Variants in OTOA observed in about 807,000 individuals in gnomAD.
The protein encoded by OTOA is cancer/testis antigen 108.
OTOA carries 70 observed loss-of-function variants against 110.8 expected under a neutral mutation model. The ratio of observed to expected loss-of-function variants is 0.63; its 90% CI spans 0.52 to 0.77. OTOA has a LOEUF of 0.77. Ranked by LOEUF, OTOA falls within the 30% of genes least tolerant of loss-of-function variation. The pLI is 0.00. For synonymous variants in OTOA, 373 were observed against 431.5 expected, an observed-to-expected ratio of 0.86 and a Z score of 1.68; for missense variants, 917 against 1,075.8, an observed-to-expected ratio of 0.85 and a Z score of 2.06.
intron 11 of OTOA, 194 bp from the exon 12 acceptor site, chr16:21,704,975 G>A (rs528660817): frequency 3.4e-6 from 3 of 878,700 alleles, no homozygotes; most frequent in South Asian, 1.3e-5. Context: ...CCATTCCTTG[G>A]TCTCGTCTGA....
chr16:21,684,621 G>T (rs1381907245), intron 6 of OTOA: 2 of 1,335,028 alleles, frequency 1.5e-6, no homozygotes, highest in East Asian at 2.6e-5. Context: ...GCTGTCCCTT[G>T]GCTTGCCAAT....
intron 13 of OTOA, among the ~76,000 whole-genome samples, chr16:21,712,311 A>AG (rs1368959460): frequency 1.3e-5 from 2 of 151,870 alleles, no homozygotes; most frequent in African/African-American, 4.8e-5. Flanking sequence ...GACTGGGCTG[A>AG]GCTACAGAGC....
intron 11 of OTOA, among the ~76,000 whole-genome samples, chr16:21,702,878 G>C (rs1898080382): frequency 6.6e-6 from 1 of 152,126 alleles, no homozygotes; most frequent in South Asian, 2.1e-4. Flanking sequence ...GTTTCACCAT[G>C]TTGGCCAGGA....
intron 1 of OTOA, among the ~76,000 whole-genome samples, chr16:21,665,623 C>T (rs1966839379): frequency 6.6e-6 from 1 of 152,068 alleles, no homozygotes. Context: ...GTGTGATGCC[C>T]GGCTCATAGA....
intron 9 of OTOA, among the ~76,000 whole-genome samples, chr16:21,694,993 G>A (rs752152961): frequency 6.6e-6 from 1 of 151,724 alleles, no homozygotes. Flanking sequence ...ATTCTTATAC[G>A]GTGCGCTTCA....
chr16:21,684,147 G>A (rs910514930), intron 6 of OTOA, among the ~76,000 whole-genome samples: 2 of 151,910 alleles, frequency 1.3e-5, no homozygotes, highest in Admixed American at 1.3e-4. Context: ...AAAATGTGTA[G>A]TTTTTCCCGA....
rs781412998 is a variant in OTOA at position 21,710,085 on chromosome 16, A to G, written c.1302A>G (p.Lys434=). 1.4e-5 allele frequency: 22 copies of G among 1,613,402 alleles called. No individual in the cohort carries two copies. The highest frequency in any genetic ancestry group is 1.6e-5 in the Non-Finnish European group (19 of 1,179,738). Reference sequence around the variant, plus strand: ...GCCAGGTCATCATCTTGTCTGCCAAATACTTGGCCCATGAGAAGGTCAGCT... The same window carrying G: ...GCCAGGTCATCATCTTGTCTGCCAAGTACTTGGCCCATGAGAAGGTCAGCT... The part of the protein sequence containing the change: ...AKSQVIILSA[K]YLAHEKVLSF... The change falls in exon 13 of 29, where the codon AAA becomes AAG. Residue 434 remains lysine, a synonymous_variant. Coordinates refer to ENST00000646100, the MANE Select transcript of OTOA (RefSeq NM_144672.4).
chr16:21,715,891 C>T (rs1285265795), intron 14 of OTOA, among the ~76,000 whole-genome samples: 1 of 151,948 alleles, frequency 6.6e-6, no homozygotes, highest in African/African-American at 2.4e-5. Context: ...TCATGGTCCA[C>T]AGCCATGTCC....
In OTOA at chr16:21,691,694, C is replaced by T; in HGVS notation, c.739+7C>T. On this transcript the variant is annotated splice_region_variant and intron_variant, in intron 9 of 28. Coordinates refer to ENST00000646100, the MANE Select transcript of OTOA (RefSeq NM_144672.4). The stretch of plus-strand genomic sequence containing the variant: ...ACATCCTCCAATGCCACTGGTGAGC[C>T]TGTACTTGGAGGTGGGGTCACTTTT... The T allele has an allele frequency of 6.2e-7, 1 of 1,610,550 alleles. No homozygotes were observed. The highest frequency in any genetic ancestry group is 8.5e-7 in the Non-Finnish European group (1 of 1,176,972).
At chr16:21,707,626 T>TTTCTTTCC (rs1597827377) in intron 12 of OTOA, among the ~76,000 whole-genome samples, 1 of 105,342 alleles carries the variant, frequency 9.5e-6, no homozygotes, top group East Asian at 2.4e-4. Flanking sequence ...TCTTTCTTTC[T>TTTCTTTCC]TTCTTTCTTT....
intron 17 of OTOA, among the ~76,000 whole-genome samples, chr16:21,722,201 G>A (rs1454774280): frequency 1.3e-5 from 2 of 149,740 alleles, no homozygotes; most frequent in Admixed American, 6.7e-5. Context: ...GGCGGAGGTT[G>A]CAGTGAGCTG....
At chr16:21,692,927 C>CAAAAAAAAAAAA (rs34170544) in intron 9 of OTOA, among the ~76,000 whole-genome samples, 2 of 97,090 alleles carry the variant, frequency 2.1e-5, no homozygotes, top group Admixed American at 1.2e-4. Context: ...GACTCTGTCT[C>CAAAAAAAAAAAA]AAAAAAAAAA....
At chr16:21,695,949 C>T (rs1375465723) in intron 9 of OTOA, among the ~76,000 whole-genome samples, 2 of 126,948 alleles carry the variant, frequency 1.6e-5, no homozygotes, top group African/African-American at 6.1e-5. Flanking sequence ...GGCTGGAGTG[C>T]AGTGGTATGA....
At chr16:21,678,691 T>C in intron 2 of OTOA, 86 bp downstream of exon 2, 1 of 1,326,352 alleles carries the variant, frequency 7.5e-7, no homozygotes, top group Non-Finnish European at 1.1e-6. Context: ...TACATGATGC[T>C]GTAAGTTGTT....
At position 21,684,128 on chromosome 16, in the gene OTOA, A is replaced by T. The variant is rs558612095; in HGVS notation, c.268-1102A>T. On this transcript the variant is annotated intron_variant, in intron 6 of 28. Coordinates refer to ENST00000646100, the MANE Select transcript of OTOA (RefSeq NM_144672.4). ...GCAACATTTGAGACATACTTATACT[A>T]AAAAAAAAAAAATGTGTAGTTTTTC... Among the ~76,000 whole-genome samples, 11 of 135,970 alleles carry T rather than the reference A, an allele frequency of 8.1e-5. 2 individuals are homozygous for T. In the South Asian group the frequency reaches 2.5e-3, roughly 31 times the overall value. The allele number at this position is 135,970 out of a possible 152,430, so 89.2% of individuals were successfully genotyped here. A position where few individuals can be genotyped will look rare whatever the true frequency, so the allele number is the denominator to read the frequency against.
At chr16:21,708,894 A>T (rs1898275731) in intron 12 of OTOA, among the ~76,000 whole-genome samples, 1 of 152,208 alleles carries the variant, frequency 6.6e-6, no homozygotes, top group Non-Finnish European at 1.5e-5. Flanking sequence ...TACTATCATT[A>T]GGCAGGCATA....
chr16:21,759,447 G>A (rs917472449), intron 28 of OTOA, among the ~76,000 whole-genome samples: 2 of 151,390 alleles, frequency 1.3e-5, no homozygotes, highest in African/African-American at 4.9e-5. Flanking sequence ...CCAGAGGTCT[G>A]TAGATGGACC....
intron 6 of OTOA, 21 bp from the exon 7 acceptor site, chr16:21,685,209 C>T: frequency 6.2e-7 from 1 of 1,610,256 alleles, no homozygotes; most frequent in Non-Finnish European, 8.5e-7. Context: ...CTCACCGACT[C>T]TCCCAACACC....
chr16:21,695,224 AC>A (rs34769468), intron 9 of OTOA, among the ~76,000 whole-genome samples: 67,254 of 127,640 alleles, frequency 0.53, 17,685 homozygotes, highest in East Asian at 0.63. Context: ...ATGTAGTGAG[AC>A]CCCCCCCCCC....
Sources: gnomAD v4.1 joint callset for allele counts (sites outside exome capture counted in the v4.1 genomes callset) on GRCh38, gnomAD v4.1.1 for gene constraint, MANE v1.5 for transcripts, NCBI Gene and HGNC (gene_info 2026-07-23, HGNC 2026-07-21) for gene names.